Variants in RBFOX1 observed in about 807,000 individuals in gnomAD.
RBFOX1 encodes RNA binding protein fox-1 homolog 1.
In RBFOX1, 8 loss-of-function variants were observed where a neutral mutation model predicts 57.7. That is an observed-to-expected ratio of 0.14 (90% CI 0.08 to 0.25). The LOEUF (loss-of-function observed/expected upper bound fraction) is 0.25. Ranked by LOEUF, RBFOX1 falls within the 10% of genes least tolerant of loss-of-function variation. The pLI, the probability that RBFOX1 is intolerant of heterozygous loss-of-function variation, is 1.00. For missense variants in RBFOX1, 611 were observed against 548.5 expected, an observed-to-expected ratio of 1.11 and a Z score of -1.14; for synonymous variants, 326 against 222.4, an observed-to-expected ratio of 1.47 and a Z score of -4.15.
At chr16:5,316,718 A>T (rs2064248518) in intron 1 of RBFOX1, among the ~76,000 whole-genome samples, 1 of 152,148 alleles carries the variant, frequency 6.6e-6, no homozygotes, top group African/African-American at 2.4e-5. Flanking sequence ...CCATTGCATT[A>T]ATTATTCTCA....
chr16:6,889,329 A>G (rs761689938), intron 3 of RBFOX1, among the ~76,000 whole-genome samples: 10 of 152,128 alleles, frequency 6.6e-5, no homozygotes, highest in Non-Finnish European at 1.2e-4. Flanking sequence ...CAAGTGGAAA[A>G]TTTACGAGTA....
chr16:6,629,421 C>T (rs1284112293), intron 2 of RBFOX1, among the ~76,000 whole-genome samples: 2 of 152,194 alleles, frequency 1.3e-5, no homozygotes, highest in Non-Finnish European at 2.9e-5. Context: ...TTTTCAAAGT[C>T]AGCCTTGATT....
At chr16:7,332,934 T>C (rs900113672) in intron 4 of RBFOX1, 2 of 1,609,612 alleles carry the variant, frequency 1.2e-6, no homozygotes, top group Admixed American at 1.7e-5. Flanking sequence ...AAGTTGGGTC[T>C]ATAGATTTCC....
chr16:6,220,562 A>G (rs1435831005), intron 1 of RBFOX1, among the ~76,000 whole-genome samples: 1 of 152,206 alleles, frequency 6.6e-6, no homozygotes, highest in Non-Finnish European at 1.5e-5. Flanking sequence ...AGATCTTTTG[A>G]TTAACCAAAA....
At chr16:5,919,648 A>G (rs2058777796) in intron 4 of RBFOX1, among the ~76,000 whole-genome samples, 1 of 152,032 alleles carries the variant, frequency 6.6e-6, no homozygotes, top group South Asian at 2.1e-4. Context: ...AAAGTTAACC[A>G]TTTTAAAGCG....
chr16:6,945,950 A>C (rs2079425090), intron 3 of RBFOX1, among the ~76,000 whole-genome samples: 1 of 152,126 alleles, frequency 6.6e-6, no homozygotes, highest in Non-Finnish European at 1.5e-5. Flanking sequence ...TTACCATTTC[A>C]AGGCATTCTG....
chr16:6,163,992 A>G (rs1236261305), intron 1 of RBFOX1, among the ~76,000 whole-genome samples: 1 of 152,204 alleles, frequency 6.6e-6, no homozygotes. Flanking sequence ...AGATTAACAT[A>G]TTGTCACAGA....
chr16:7,040,873 T>A, intron 3 of RBFOX1, among the ~76,000 whole-genome samples: 1 of 152,044 alleles, frequency 6.6e-6, no homozygotes, highest in East Asian at 1.9e-4. Flanking sequence ...CACTGCGTGA[T>A]TCTGTAAATA....
chr16:7,047,540 G>T (rs2048385457), intron 3 of RBFOX1, among the ~76,000 whole-genome samples: 1 of 151,332 alleles, frequency 6.6e-6, no homozygotes, highest in African/African-American at 2.4e-5. Context: ...GGATTTCGTT[G>T]ATTTTAACTC....
chr16:7,669,542 G>A (rs971453274), intron 13 of RBFOX1, among the ~76,000 whole-genome samples: 4 of 152,100 alleles, frequency 2.6e-5, no homozygotes, highest in Non-Finnish European at 4.4e-5. Context: ...AACATTAGAC[G>A]CAACCATGAG....
intron 4 of RBFOX1, among the ~76,000 whole-genome samples, chr16:7,087,314 A>G (rs2060140825): frequency 6.6e-6 from 1 of 152,066 alleles, no homozygotes; most frequent in Non-Finnish European, 1.5e-5. Flanking sequence ...AAATTCCACC[A>G]GTGGGGCTTC....
intron 3 of RBFOX1, among the ~76,000 whole-genome samples, chr16:7,024,229 C>G (rs972850795): frequency 6.6e-6 from 1 of 152,140 alleles, no homozygotes; most frequent in Non-Finnish European, 1.5e-5. Flanking sequence ...AGCATTGGCA[C>G]TCATATCGTG....
intron 4 of RBFOX1, among the ~76,000 whole-genome samples, chr16:7,262,525 T>C (rs1011318834): frequency 1.3e-5 from 2 of 152,282 alleles, no homozygotes; most frequent in African/African-American, 2.4e-5. Context: ...TGAGCCACAT[T>C]TGCAGGCATG....
At chr16:5,359,378 G>C (rs975615731) in intron 1 of RBFOX1, among the ~76,000 whole-genome samples, 3 of 152,204 alleles carry the variant, frequency 2.0e-5, no homozygotes, top group African/African-American at 7.2e-5. Flanking sequence ...TTAGTTTTCT[G>C]AGGAGCCTCC....
chr16:5,364,972 C>T (rs951468873), intron 1 of RBFOX1, among the ~76,000 whole-genome samples: 2 of 152,160 alleles, frequency 1.3e-5, no homozygotes, highest in Admixed American at 6.5e-5. Context: ...AGCCTTGTCT[C>T]GGTTGCAGTG....
intron 13 of RBFOX1, among the ~76,000 whole-genome samples, chr16:7,669,597 C>A (rs923244584): frequency 6.6e-6 from 1 of 152,278 alleles, no homozygotes; most frequent in South Asian, 2.1e-4. Context: ...CATTTTTATA[C>A]CATTCCTAAA....
chr16:6,552,027 G>C (rs1414889146), intron 2 of RBFOX1, among the ~76,000 whole-genome samples: 3 of 152,168 alleles, frequency 2.0e-5, no homozygotes, highest in African/African-American at 7.2e-5. Flanking sequence ...AGCAGGAGAG[G>C]AAAGGATGAA....
At chr16:7,705,834 G>C (rs187078176) in intron 14 of RBFOX1, among the ~76,000 whole-genome samples, 6 of 152,284 alleles carry the variant, frequency 3.9e-5, no homozygotes, top group Admixed American at 6.5e-5. Context: ...CATGTGCATG[G>C]AGTAAAGTGG....
chr16:7,369,254 G>A (rs918800848), intron 4 of RBFOX1, among the ~76,000 whole-genome samples: 1 of 151,902 alleles, frequency 6.6e-6, no homozygotes, highest in African/African-American at 2.4e-5. Flanking sequence ...AAACCACGAT[G>A]TTCCTGCAGC....
Sources: gnomAD v4.1 joint callset for allele counts (sites outside exome capture counted in the v4.1 genomes callset) on GRCh38, gnomAD v4.1.1 for gene constraint, MANE v1.5 for transcripts, NCBI Gene and HGNC (gene_info 2026-07-23, HGNC 2026-07-21) for gene names.